COL4A2: variants seen among roughly 807,000 people sequenced by gnomAD.
COL4A2 encodes the protein collagen type IV alpha 2 chain, also known as collagen alpha-2(IV) chain.
In COL4A2, 99 loss-of-function variants were observed where a neutral mutation model predicts 200.2. The ratio of observed to expected loss-of-function variants is 0.49; its 90% CI spans 0.42 to 0.58. The LOEUF (loss-of-function observed/expected upper bound fraction) is 0.58, where lower values mean the gene tolerates loss of function less well. COL4A2 is among the 20% of genes least tolerant of loss of function. The probability of loss-of-function intolerance (pLI) is 0.00; values close to 1 mark genes in which losing one functional copy is unlikely to be tolerated. For synonymous variants in COL4A2, 897 were observed against 900.6 expected, an observed-to-expected ratio of 1.00 and a Z score of 0.07; for missense variants, 1,950 against 2,314.1, an observed-to-expected ratio of 0.84 and a Z score of 3.23.
At chr13:110,309,269 A>G (rs1884906399) in intron 3 of COL4A2, among the ~76,000 whole-genome samples, 2 of 152,210 alleles carry the variant, frequency 1.3e-5, no homozygotes. Flanking sequence ...CGGTTTGGGA[A>G]GTAAGAGGAG....
intron 4 of COL4A2, among the ~76,000 whole-genome samples, chr13:110,419,715 T>C (rs1880176727): frequency 6.6e-6 from 1 of 152,206 alleles, no homozygotes; most frequent in Non-Finnish European, 1.5e-5. Flanking sequence ...GGATGGCCCA[T>C]GTGCGCACCA....
chr13:110,314,368 T>G lies in COL4A2; in HGVS notation c.99+6245T>G, dbSNP rs571205079. Among the ~76,000 whole-genome samples, 4 of 152,370 alleles carry G rather than the reference T, an allele frequency of 2.6e-5. No individual in the cohort carries two copies. The East Asian group carries it at 7.7e-4, about 29-fold the overall frequency. On this transcript the variant is annotated intron_variant, in intron 3 of 47. Transcript: ENST00000360467. ...AAGGCTGAAAGCAGCCAGTCTCGAA[T>G]GAGCAGATGTGGGCAGCAAGAGGGA...
intron 21 of COL4A2, chr13:110,457,667 C>T: frequency 1.5e-6 from 1 of 658,806 alleles, no homozygotes; most frequent in Non-Finnish European, 2.9e-6. Context: ...CTCCATCTGC[C>T]ATCCTCGTCA....
chr13:110,421,624 T>A (rs1252497360), intron 4 of COL4A2, among the ~76,000 whole-genome samples: 1 of 152,184 alleles, frequency 6.6e-6, no homozygotes, highest in East Asian at 1.9e-4. Flanking sequence ...GAGGAAAATG[T>A]TTGGGAACTA....
intron 4 of COL4A2, among the ~76,000 whole-genome samples, chr13:110,411,388 A>G (rs1488469151): frequency 1.3e-5 from 2 of 152,220 alleles, no homozygotes; most frequent in Non-Finnish European, 2.9e-5. Flanking sequence ...ATGTCTAAAT[A>G]TTTCCCTGGA....
chr13:110,357,483 G>C lies in COL4A2; in HGVS notation c.111G>C (p.Lys37Asn). Reference sequence around the variant, plus strand: ...TTTTATTGTTGCAGGGTGTGAAGAAGTTTGATGTGCCGTGTGGAGGAAGAG... The same window carrying C: ...TTTTATTGTTGCAGGGTGTGAAGAACTTTGATGTGCCGTGTGGAGGAAGAG... ...LAQSVLAGVKKFDVPCGGRDC... is the reference protein window; with the variant it reads ...LAQSVLAGVKNFDVPCGGRDC... Residue 37 changes from lysine to asparagine, a missense_variant, in exon 4 of 48, where the codon AAG (lysine) becomes AAC (asparagine). By Grantham distance (94) the Lys-to-Asn change is moderately conservative. This residue lies in a region of COL4A2 where 565 missense variants were observed against 593.5 expected (regional missense o/e 0.95). Coordinates refer to ENST00000360467, the MANE Select transcript of COL4A2 (RefSeq NM_001846.4). The C allele has an allele frequency of 1.3e-6, 2 of 1,591,566 alleles. No individual in the cohort carries two copies. Among genetic ancestry groups the C allele is most frequent in the Admixed American group, 3.4e-5 (2 of 58,330 alleles).
chr13:110,505,090 C>T (rs566593834), intron 45 of COL4A2, among the ~76,000 whole-genome samples: 67 of 152,056 alleles, frequency 4.4e-4, no homozygotes, highest in Admixed American at 1.4e-3. Context: ...GTGGCTCACG[C>T]CTGTAATCCC....
chr13:110,465,862 G>A (rs954274994), intron 25 of COL4A2, 141 bp from the exon 26 acceptor site: 143 of 1,063,068 alleles, frequency 1.3e-4, no homozygotes, highest in Non-Finnish European at 1.8e-4. Flanking sequence ...TGGCTTTCCC[G>A]TTCCCTGCCC....
intron 4 of COL4A2, among the ~76,000 whole-genome samples, chr13:110,419,555 C>T (rs1294829386): frequency 6.6e-6 from 1 of 152,206 alleles, no homozygotes; most frequent in Admixed American, 6.5e-5. Flanking sequence ...TCATCTTTTG[C>T]CTCTTTTCTC....
intron 11 of COL4A2, 33 bp downstream of exon 11, chr13:110,432,393 A>G: frequency 2.5e-6 from 4 of 1,592,152 alleles, no homozygotes; most frequent in Non-Finnish European, 3.4e-6. Context: ...GGATGAGGGA[A>G]GGGGGTACTT....
chr13:110,424,096 A>G (rs1247291451), intron 4 of COL4A2, among the ~76,000 whole-genome samples: 3 of 152,030 alleles, frequency 2.0e-5, no homozygotes, highest in African/African-American at 7.3e-5. Context: ...TTAATGTGTT[A>G]AGGAGCCGCC....
intron 40 of COL4A2, among the ~76,000 whole-genome samples, chr13:110,498,479 G>C (rs543841349): frequency 4.1e-4 from 62 of 152,224 alleles, no homozygotes; most frequent in Non-Finnish European, 4.6e-4. Flanking sequence ...GCCCATAGAG[G>C]GGGGTCACAG....
intron 4 of COL4A2, among the ~76,000 whole-genome samples, chr13:110,410,130 T>C (rs1259894520): frequency 6.6e-6 from 1 of 152,198 alleles, no homozygotes; most frequent in Non-Finnish European, 1.5e-5. Flanking sequence ...GATCTGGCTT[T>C]TACTGTCCGC....
intron 45 of COL4A2, 87 bp downstream of exon 45, chr13:110,504,351 A>C: frequency 8.6e-7 from 1 of 1,169,348 alleles, no homozygotes; most frequent in South Asian, 1.3e-5. Context: ...GGGACACACG[A>C]GAGCCCAGAA....
Position 110,389,546 on chromosome 13 carries a change from G to A in COL4A2, c.180+31994G>A, listed in dbSNP as rs191603982. Among the ~76,000 whole-genome samples the A allele has an allele frequency of 1.8e-4, 27 of 152,344 alleles. No individual in the cohort carries two copies. The South Asian group carries it at 2.9e-3, about 16-fold the overall frequency. Reference sequence around the variant, plus strand: ...CCTCCCTGCAGGAGGGCCCGGCTCAGGGAGTCCTTCTCAGACCCCTCTGTC... The same window carrying A: ...CCTCCCTGCAGGAGGGCCCGGCTCAAGGAGTCCTTCTCAGACCCCTCTGTC... On this transcript the variant is annotated intron_variant, in intron 4 of 47. Transcript: ENST00000360467.
At chr13:110,459,734 A>C (rs1398836156) in intron 22 of COL4A2, 1 of 152,202 alleles carries the variant, frequency 6.6e-6, no homozygotes, top group African/African-American at 2.4e-5. Flanking sequence ...GTGCTATATG[A>C]ATTATATCTC....
chr13:110,474,463 GC>G (rs1471964080), intron 29 of COL4A2, among the ~76,000 whole-genome samples: 1 of 152,264 alleles, frequency 6.6e-6, no homozygotes, highest in East Asian at 1.9e-4. Flanking sequence ...ACTGATCAGT[GC>G]CCCCAGCTGT....
At chr13:110,369,557 T>TA (rs1327202598) in intron 4 of COL4A2, among the ~76,000 whole-genome samples, 1 of 152,206 alleles carries the variant, frequency 6.6e-6, no homozygotes, top group African/African-American at 2.4e-5. Flanking sequence ...AGAGCACTAT[T>TA]AACACTATGG....
chr13:110,485,112 A>G (rs967083427), intron 33 of COL4A2, 85 bp downstream of exon 33: 42 of 1,242,490 alleles, frequency 3.4e-5, no homozygotes, highest in Admixed American at 8.4e-5. Flanking sequence ...GTCCCCAGAG[A>G]CGCCCGTGCC....
Sources: allele counts gnomAD v4.1 joint callset (sites outside exome capture counted in the v4.1 genomes callset), GRCh38; gene constraint gnomAD v4.1.1; regional missense constraint gnomAD v4.1.1; transcripts MANE v1.5; gene names NCBI Gene and HGNC (gene_info 2026-07-23, HGNC 2026-07-21).